The following CENPO variants were observed in gnomAD, a reference collection of about 807,000 sequenced individuals.
CENPO encodes centromeric protein O.
CENPO carries 30 observed loss-of-function variants against 36.1 expected under a neutral mutation model. That is an observed-to-expected ratio of 0.83 (90% CI 0.62 to 1.13). The LOEUF is 1.13. CENPO is among the 50% of genes most tolerant of loss of function. The pLI is 0.00. For synonymous variants in CENPO, 171 were observed against 142.3 expected (o/e 1.20, Z -1.44); for missense variants, 349 against 357.8 (o/e 0.98, Z 0.20).
chr2:24,818,069 C>A (rs938139462), intron 7 of CENPO, among the ~76,000 whole-genome samples: 5 of 152,160 alleles, frequency 3.3e-5, no homozygotes, highest in Non-Finnish European at 5.9e-5. Context: ...AGTTGAAAAT[C>A]ATTTGTGGGG....
intron 7 of CENPO, 47 bp downstream of exon 7, chr2:24,817,888 G>A (rs1334609684): frequency 1.7e-5 from 26 of 1,490,974 alleles, no homozygotes; most frequent in Non-Finnish European, 2.4e-5. Flanking sequence ...AGTACTGTCT[G>A]ATGAAGGGTA....
intron 7 of CENPO, among the ~76,000 whole-genome samples, chr2:24,818,603 A>G (rs1667075987): frequency 6.6e-6 from 1 of 151,780 alleles, no homozygotes; most frequent in East Asian, 1.9e-4. Context: ...AAAGTTTAGT[A>G]GAGCTGTGAA....
chr2:24,819,863 C>G lies in CENPO; in HGVS notation c.*545C>G. On this transcript the variant is annotated 3_prime_UTR_variant, in exon 8 of 8. Transcript: ENST00000380834. ...AGTGTGCACTTCAATCCAGGAAGGT[C>G]GGGACTTCCTTCAGTTTCAAAAAAT... The G allele has an allele frequency of 6.6e-7, 1 of 1,513,676 alleles. No individual in the cohort carries two copies. The highest frequency in any genetic ancestry group is 9.0e-7 in the Non-Finnish European group (1 of 1,111,068). The allele number at this position is 1,513,676 out of a possible 1,614,324, so 93.8% of individuals were successfully genotyped here. A position where few individuals can be genotyped will look rare whatever the true frequency, so the allele number is the denominator to read the frequency against.
chr2:24,810,251 C>G (rs1666614840), intron 3 of CENPO, among the ~76,000 whole-genome samples: 1 of 151,486 alleles, frequency 6.6e-6, no homozygotes, highest in African/African-American at 2.4e-5. Context: ...TGAAATATTC[C>G]TTTTAATTTT....
chr2:24,806,560 T>G (rs1558374951), intron 3 of CENPO, among the ~76,000 whole-genome samples: 2 of 152,250 alleles, frequency 1.3e-5, no homozygotes, highest in Non-Finnish European at 2.9e-5. Context: ...CCTAAGTTTG[T>G]TACCTCAATC....
intron 3 of CENPO, among the ~76,000 whole-genome samples, chr2:24,802,219 G>A (rs1481015375): frequency 2.0e-5 from 3 of 152,098 alleles, no homozygotes; most frequent in African/African-American, 7.2e-5. Flanking sequence ...AGCTTAAGGA[G>A]ATTTTGGGCT....
intron 3 of CENPO, among the ~76,000 whole-genome samples, chr2:24,802,437 C>T (rs1666203018): frequency 6.6e-6 from 1 of 152,056 alleles, no homozygotes; most frequent in African/African-American, 2.4e-5. Flanking sequence ...CAGTTTTTGC[C>T]CATTCAGTGT....
At chr2:24,798,847 A>G (rs1666031312) in intron 2 of CENPO, among the ~76,000 whole-genome samples, 1 of 152,058 alleles carries the variant, frequency 6.6e-6, no homozygotes, top group Non-Finnish European at 1.5e-5. Context: ...GAATGAGATA[A>G]GTTTTTGGAT....
chr2:24,813,349 C>T (rs563579993), intron 3 of CENPO, among the ~76,000 whole-genome samples: 15 of 152,188 alleles, frequency 9.9e-5, no homozygotes, highest in African/African-American at 3.6e-4. Context: ...ATGGGCACAT[C>T]ACCTTTATTC....
chr2:24,821,350 AGTC>A lies in CENPO; in HGVS notation c.*2036_*2038del. On this transcript the variant is annotated 3_prime_UTR_variant, in exon 8 of 8. Transcript: ENST00000380834. ...CTGGGTTTTTGGTTTAGTCATCTAG[AGTC>A]GTCTGGACTAAAGGTCTTTCAGGTC... The A allele has an allele frequency of 2.0e-6, 2 of 978,302 alleles. No individual in the cohort carries two copies. The highest frequency in any genetic ancestry group is 2.5e-5 in the Admixed American group (1 of 40,428). 60.6% of individuals were successfully genotyped at this position (978,302 alleles called of 1,614,324 possible).
chr2:24,798,899 T>C (rs1424623188), intron 2 of CENPO, among the ~76,000 whole-genome samples: 1 of 152,010 alleles, frequency 6.6e-6, no homozygotes, highest in Non-Finnish European at 1.5e-5. Flanking sequence ...TTTTCATATA[T>C]GTTCATCCAT....
At chr2:24,806,705 C>G (rs1402365664) in intron 3 of CENPO, among the ~76,000 whole-genome samples, 2 of 152,190 alleles carry the variant, frequency 1.3e-5, no homozygotes, top group Non-Finnish European at 2.9e-5. Context: ...TAAGATTTCC[C>G]TTGTTTTGCA....
At position 24,820,686 on chromosome 2, in the gene CENPO, C is replaced by T. The variant is rs567345479; in HGVS notation, c.*1368C>T. ...CACTGTTCCGGTTTTGTTCTCATGC[C>T]GAGTCTGAGCACGTGCCAGCTGTGC... On this transcript the variant is annotated 3_prime_UTR_variant, in exon 8 of 8. Transcript: ENST00000380834. 32 of 1,612,188 alleles carry T rather than the reference C, an allele frequency of 2.0e-5. No individual in the cohort carries two copies. Among genetic ancestry groups the T allele is most frequent in the Admixed American group, 1.0e-4 (6 of 59,918 alleles).
At position 24,821,766 on chromosome 2, in the gene CENPO, C is replaced by G. The variant is rs1201146572; in HGVS notation, c.*2448C>G. On this transcript the variant is annotated 3_prime_UTR_variant, in exon 8 of 8. Coordinates refer to ENST00000380834, the MANE Select transcript of CENPO (RefSeq NM_001322101.2). ...CTAGATGTTCAAGGCCTTACTTTTC[C>G]TCCCACAAAGGAGTCGCAGCCACGC... The G allele has an allele frequency of 1.3e-5, 19 of 1,422,290 alleles. No individual in the cohort carries two copies. Among genetic ancestry groups the G allele is most frequent in the Non-Finnish European group, 1.8e-5 (19 of 1,063,116 alleles). 88.1% of individuals were successfully genotyped at this position (1,422,290 alleles called of 1,614,324 possible).
rs1666961862 is a variant in CENPO at position 24,816,937 on chromosome 2, A to ACATT, written c.766+121_766+124dup. 2.2e-5 allele frequency: 17 copies of ACATT among 789,742 alleles called. No individual in the cohort carries two copies. In the South Asian group the frequency reaches 3.7e-4, roughly 17 times the overall value. 48.9% of individuals were successfully genotyped at this position (789,742 alleles called of 1,614,324 possible). On this transcript the variant is annotated intron_variant, in intron 6 of 7. Transcript: ENST00000380834. ...GACACTTTCTCTGTTTATATACTGTACATTACTCAGACCGGTAAGATAGAA... is the reference window on the plus strand; with the variant it reads ...GACACTTTCTCTGTTTATATACTGTACATTCATTACTCAGACCGGTAAGATAGAA...
chr2:24,811,422 A>G (rs922087769), intron 3 of CENPO, among the ~76,000 whole-genome samples: 2 of 149,010 alleles, frequency 1.3e-5, no homozygotes, highest in South Asian at 2.1e-4. Context: ...CTGGGATTAC[A>G]GATGCCCGCC....
At position 24,793,888 on chromosome 2, in the gene CENPO, C is replaced by A; in HGVS notation, c.-32C>A. The A allele has an allele frequency of 1.2e-6, 2 of 1,614,120 alleles. No homozygotes were observed. Among genetic ancestry groups the A allele is most frequent in the Non-Finnish European group, 1.7e-6 (2 of 1,179,996 alleles). On this transcript the variant is annotated 5_prime_UTR_variant, in exon 2 of 8. Transcript: ENST00000380834. Reference sequence around the variant, plus strand: ...GAGTCCCTATCACCGGTTGCCTAGACAACTTCATGGGAAGGCCCTTGGGAA... The same window carrying A: ...GAGTCCCTATCACCGGTTGCCTAGAAAACTTCATGGGAAGGCCCTTGGGAA...
chr2:24,810,521 T>C (rs1475021170), intron 3 of CENPO, among the ~76,000 whole-genome samples: 1 of 151,070 alleles, frequency 6.6e-6, no homozygotes, highest in Non-Finnish European at 1.5e-5. Flanking sequence ...TTTTTTTTTT[T>C]TTTGAGATGG....
At position 24,801,197 on chromosome 2, in the gene CENPO, G is replaced by GT. The variant is rs1357668094; in HGVS notation, c.216+1356dup. On this transcript the variant is annotated intron_variant, in intron 3 of 7. Coordinates refer to ENST00000380834, the MANE Select transcript of CENPO (RefSeq NM_001322101.2). ...TTGTTTGTTTTTTTCTTGTACATTT[G>GT]TTTGAGTTCATTGTAGATTCTGGAT... 3.9e-5 allele frequency among the ~76,000 whole-genome samples: 6 copies of GT among 152,238 alleles called. No homozygotes were observed. In the East Asian group the frequency reaches 1.2e-3, roughly 29 times the overall value.
Sources: allele counts gnomAD v4.1 joint callset (sites outside exome capture counted in the v4.1 genomes callset), GRCh38; gene constraint gnomAD v4.1.1; transcripts MANE v1.5; gene names NCBI Gene and HGNC (gene_info 2026-07-23, HGNC 2026-07-21).